NCAN: variants seen among roughly 807,000 people sequenced by gnomAD.
The protein encoded by NCAN is neurocan core protein.
In NCAN, 47 loss-of-function variants were observed where a neutral mutation model predicts 121.8. That is an observed-to-expected ratio of 0.39 (90% CI 0.31 to 0.49). NCAN has a LOEUF of 0.49. Ranked by LOEUF, NCAN falls within the 20% of genes least tolerant of loss-of-function variation. The pLI is 0.92. For synonymous variants in NCAN, 633 were observed against 702.0 expected (o/e 0.90, Z 1.55); for missense variants, 1,517 against 1,773.4 (o/e 0.86, Z 2.60).
chr19:19,220,678 T>G, intron 3 of NCAN, among the ~76,000 whole-genome samples: 1 of 152,136 alleles, frequency 6.6e-6, no homozygotes, highest in Admixed American at 6.6e-5. Flanking sequence ...AGGATGGTCT[T>G]GATCTCCTGA....
chr19:19,224,408 G>A lies in NCAN; in HGVS notation c.753G>A (p.Val251=), dbSNP rs775611384. The A allele has an allele frequency of 6.8e-6, 11 of 1,613,918 alleles. No homozygotes were observed. The South Asian group carries it at 7.7e-5, about 11-fold the overall frequency. Residue 251 remains valine (V), a synonymous_variant, in exon 5 of 15, where the codon GTG becomes GTA. Coordinates refer to ENST00000252575, the MANE Select transcript of NCAN (RefSeq NM_004386.3). The part of the protein sequence containing the change: ...GRRNPQELYD[V]YCFARELGGE... The stretch of plus-strand genomic sequence containing the variant: ...GCAACCCACAGGAACTCTACGATGT[G>A]TATTGCTTTGCCCGGGAGCTGGGGG...
At chr19:19,231,574 C>T (rs918723223) in intron 8 of NCAN, among the ~76,000 whole-genome samples, 1 of 152,002 alleles carries the variant, frequency 6.6e-6, no homozygotes, top group Non-Finnish European at 1.5e-5. Context: ...GTGATCTGCC[C>T]GCCTCAGCCT....
At chr19:19,219,380 C>T in intron 3 of NCAN, 64 bp downstream of exon 3, 1 of 1,404,396 alleles carries the variant, frequency 7.1e-7, no homozygotes, top group South Asian at 1.5e-5. Context: ...TGGAGCCCAC[C>T]CACTGAATGT....
intron 13 of NCAN, among the ~76,000 whole-genome samples, chr19:19,246,750 C>A (rs536052240): frequency 6.6e-6 from 1 of 152,128 alleles, no homozygotes; most frequent in South Asian, 2.1e-4. Flanking sequence ...CCATGTTGAC[C>A]AGGCTGGTCT....
chr19:19,219,088 A>T lies in NCAN; in HGVS notation c.247A>T (p.Thr83Ser). The T allele has an allele frequency of 6.2e-7, 1 of 1,612,470 alleles. No homozygotes were observed. The highest frequency in any genetic ancestry group is 8.5e-7 in the Non-Finnish European group (1 of 1,179,070). ...APRIKWTKVR[T>S]ASGQRQDLPI... The stretch of plus-strand genomic sequence containing the variant: ...TCGGATAAAGTGGACCAAGGTGCGG[A>T]CTGCGTCGGGCCAGCGACAGGACTT... The change falls in exon 3 of 15, where the codon ACT becomes TCT. Residue 83 changes from threonine (T) to serine (S), a missense_variant. Coordinates refer to ENST00000252575, the MANE Select transcript of NCAN (RefSeq NM_004386.3).
intron 8 of NCAN, among the ~76,000 whole-genome samples, chr19:19,229,133 G>A (rs1194469047): frequency 5.3e-5 from 8 of 152,202 alleles, no homozygotes; most frequent in East Asian, 3.8e-4. Context: ...GCTTGAACCC[G>A]GGAGGCGGAG....
At chr19:19,236,469 C>T (rs2060881569) in intron 10 of NCAN, among the ~76,000 whole-genome samples, 2 of 152,160 alleles carry the variant, frequency 1.3e-5, no homozygotes, top group South Asian at 4.1e-4. Context: ...AATAGTGCTG[C>T]TGTGAATATA....
At chr19:19,215,070 CA>C (rs2065936004) in intron 1 of NCAN, among the ~76,000 whole-genome samples, 1 of 152,202 alleles carries the variant, frequency 6.6e-6, no homozygotes, top group Non-Finnish European at 1.5e-5. Flanking sequence ...ATCGTGTTAG[CA>C]GGCAGGAGGC....
intron 10 of NCAN, among the ~76,000 whole-genome samples, chr19:19,235,447 T>C (rs554575829): frequency 6.9e-6 from 1 of 145,234 alleles, no homozygotes; most frequent in Admixed American, 6.9e-5. Context: ...ATTTTTGTAT[T>C]TTTTAGTAGA....
chr19:19,242,910 G>A, intron 12 of NCAN, among the ~76,000 whole-genome samples: 1 of 152,032 alleles, frequency 6.6e-6, no homozygotes, highest in East Asian at 1.9e-4. Context: ...CAAGGTGGGT[G>A]GATTGCTTGA....
chr19:19,247,202 C>T (rs1316492979), intron 13 of NCAN, among the ~76,000 whole-genome samples: 2 of 152,094 alleles, frequency 1.3e-5, no homozygotes, highest in African/African-American at 4.8e-5. Context: ...ACTCCTACCT[C>T]AGTCTTACCA....
In NCAN at chr19:19,224,071, G is replaced by A. The variant is rs1236072291; in HGVS notation, c.526G>A (p.Ala176Thr). ...CCGGGACCGCTATGCACTGACCTTC[G>A]CTGAGGCCCAGGAGGCCTGCCGTCT... ...SARDRYALTF[A>T]EAQEACRLSS... Residue 176 changes from alanine to threonine, a missense_variant, in exon 4 of 15, where the codon GCT becomes ACT. Transcript: ENST00000252575. 4 of 1,596,690 alleles carry A rather than the reference G, an allele frequency of 2.5e-6. No individual in the cohort carries two copies. In the South Asian group the frequency reaches 4.5e-5, roughly 18 times the overall value.
At chr19:19,218,356 G>A (rs1292778989) in intron 2 of NCAN, among the ~76,000 whole-genome samples, 3 of 152,188 alleles carry the variant, frequency 2.0e-5, no homozygotes, top group East Asian at 3.9e-4. Context: ...CAGCACTTTC[G>A]GGAGGCTGAG....
intron 4 of NCAN, 45 bp downstream of exon 4, chr19:19,224,240 G>A: frequency 6.3e-7 from 1 of 1,592,794 alleles, no homozygotes. Context: ...TAGCTCATGG[G>A]GAAGGAGGTT....
At position 19,226,798 on chromosome 19, in the gene NCAN, C is replaced by T. The variant is rs758282635; in HGVS notation, c.1385C>T (p.Thr462Ile). The T allele has an allele frequency of 4.3e-6, 7 of 1,613,384 alleles. No homozygotes were observed. The highest frequency in any genetic ancestry group is 1.7e-4 in the Middle Eastern group (1 of 6,058). ...APSPSDMGAG[T>I]AASSHTEVAP... is the part of the protein sequence containing the mutation. ...AGCCCTAGCGACATGGGGGCAGGCACTGCAGCAAGTTCACACACGGAGGTG... is the reference window on the plus strand; with the variant it reads ...AGCCCTAGCGACATGGGGGCAGGCATTGCAGCAAGTTCACACACGGAGGTG... Residue 462 changes from threonine to isoleucine, a missense_variant, in exon 7 of 15, where the codon ACT (threonine) becomes ATT (isoleucine). Thr to Ile is a moderately conservative substitution (Grantham distance 89). Transcript: ENST00000252575.
chr19:19,221,877 G>A (rs2060818042), intron 3 of NCAN, among the ~76,000 whole-genome samples: 1 of 151,630 alleles, frequency 6.6e-6, no homozygotes, highest in Admixed American at 6.6e-5. Flanking sequence ...GGTGACAGAG[G>A]GAGACCCTGA....
rs1269225912 is a variant in NCAN, at chr19:19,250,143, G to A, written c.*232G>A. ...CTGAAAAGTTCATTCTCGTCTGGCT[G>A]AACTCTGGGAGTGTGTCCCAGCTGA... is the stretch of plus-strand genomic sequence containing the variant. On this transcript the variant is annotated 3_prime_UTR_variant, in exon 15 of 15. Coordinates refer to ENST00000252575, the MANE Select transcript of NCAN (RefSeq NM_004386.3). 1.5e-6 allele frequency: 1 copy of A among 672,598 alleles called. No homozygotes were observed. The highest frequency in any genetic ancestry group is 2.9e-5 in the East Asian group (1 of 34,332). The allele number at this position is 672,598 out of a possible 1,614,324, so 41.7% of individuals were successfully genotyped here. A position where few individuals can be genotyped will look rare whatever the true frequency, so the allele number is the denominator to read the frequency against.
chr19:19,213,468 T>C (rs1393143437), intron 1 of NCAN, among the ~76,000 whole-genome samples: 2 of 130,212 alleles, frequency 1.5e-5, no homozygotes, highest in East Asian at 2.8e-4. Context: ...AGTGAGGAGC[T>C]ATGTCTGATG....
At chr19:19,223,721 C>T (rs1230399112) in intron 3 of NCAN, among the ~76,000 whole-genome samples, 1 of 152,166 alleles carries the variant, frequency 6.6e-6, no homozygotes, top group Non-Finnish European at 1.5e-5. Flanking sequence ...GATCTGCCCA[C>T]CTTGGCCTCC....
Sources: allele counts gnomAD v4.1 joint callset (sites outside exome capture counted in the v4.1 genomes callset), GRCh38; gene constraint gnomAD v4.1.1; transcripts MANE v1.5; gene names NCBI Gene and HGNC (gene_info 2026-07-23, HGNC 2026-07-21).